The following CRISPLD2 variants were observed in gnomAD, a reference collection of about 807,000 sequenced individuals.
The protein encoded by CRISPLD2 is cysteine rich secretory protein LCCL domain containing 2, also known as cysteine-rich secretory protein LCCL domain-containing 2.
A neutral mutation model predicts 71.1 loss-of-function variants in CRISPLD2; 47 were observed. The ratio of observed to expected loss-of-function variants is 0.66; its 90% CI spans 0.52 to 0.84. The LOEUF is 0.84. Among genes scored for constraint, CRISPLD2 ranks in the 40% least tolerant of loss-of-function variants. The probability of loss-of-function intolerance (pLI) is 0.00; values close to 1 mark genes in which losing one functional copy is unlikely to be tolerated. For synonymous variants in CRISPLD2, 317 were observed against 250.1 expected (o/e 1.27, Z -2.52); for missense variants, 830 against 651.1 (o/e 1.27, Z -2.99).
At chr16:84,855,055 CT>C (rs1190299876) in intron 6 of CRISPLD2, among the ~76,000 whole-genome samples, 9 of 152,162 alleles carry the variant, frequency 5.9e-5, no homozygotes, top group Admixed American at 5.9e-4. Flanking sequence ...CGAGACATGG[CT>C]TCCCATGGGC....
At chr16:84,837,864 G>C (rs1275647469) in intron 1 of CRISPLD2, among the ~76,000 whole-genome samples, 3 of 152,222 alleles carry the variant, frequency 2.0e-5, no homozygotes, top group Non-Finnish European at 4.4e-5. Flanking sequence ...GCCTTGGCTG[G>C]ACGTGGTTCT....
chr16:84,868,821 G>A (rs369419356), intron 7 of CRISPLD2, 30 bp from the exon 8 acceptor site: 27 of 1,598,558 alleles, frequency 1.7e-5, no homozygotes, highest in South Asian at 8.9e-5. Flanking sequence ...GTTTCGTGCC[G>A]TGACATGTAT....
intron 1 of CRISPLD2, among the ~76,000 whole-genome samples, chr16:84,835,840 C>A (rs1252362699): frequency 6.6e-6 from 1 of 152,206 alleles, no homozygotes; most frequent in Non-Finnish European, 1.5e-5. Flanking sequence ...ATAGCTCACG[C>A]TGGCTCAGGA....
chr16:84,900,090 C>T (rs931025187), intron 14 of CRISPLD2, among the ~76,000 whole-genome samples: 6 of 152,170 alleles, frequency 3.9e-5, no homozygotes, highest in Non-Finnish European at 4.4e-5. Context: ...GCCACTCTTT[C>T]TCCTCCTCTT....
intron 11 of CRISPLD2, 37 bp from the exon 12 acceptor site, chr16:84,877,401 T>A: frequency 1.2e-6 from 2 of 1,603,170 alleles, no homozygotes; most frequent in Non-Finnish European, 1.7e-6. Flanking sequence ...CCAGGCGTGC[T>A]GGGACCTGAC....
At chr16:84,880,443 G>C (rs1251912196) in intron 12 of CRISPLD2, 66 bp from the exon 13 acceptor site, 103 of 1,263,536 alleles carry the variant, frequency 8.2e-5, no homozygotes, top group Non-Finnish European at 3.6e-5. Context: ...CAAATAAAGA[G>C]AGCCAGCTTA....
intron 14 of CRISPLD2, among the ~76,000 whole-genome samples, chr16:84,895,316 C>T (rs2071696925): frequency 1.3e-5 from 2 of 152,208 alleles, no homozygotes; most frequent in South Asian, 4.1e-4. Context: ...TCAGCCTGGA[C>T]AGGCCACTGA....
intron 5 of CRISPLD2, among the ~76,000 whole-genome samples, chr16:84,853,673 C>T (rs977851710): frequency 1.3e-5 from 2 of 152,230 alleles, no homozygotes; most frequent in African/African-American, 4.8e-5. Flanking sequence ...GGGCCCCTCC[C>T]CATCTTCCCT....
At chr16:84,848,917 C>T (rs113327682) in intron 3 of CRISPLD2, among the ~76,000 whole-genome samples, 5 of 140,980 alleles carry the variant, frequency 3.5e-5, no homozygotes, top group Middle Eastern at 4.3e-3. Context: ...ACCCGGGAGG[C>T]GGAGCTTGCA....
intron 14 of CRISPLD2, among the ~76,000 whole-genome samples, chr16:84,893,838 A>G (rs2071683169): frequency 1.3e-5 from 2 of 152,184 alleles, no homozygotes; most frequent in African/African-American, 2.4e-5. Flanking sequence ...CTTATTCCCA[A>G]TAGGGGCTGT....
rs745603203 is a variant in CRISPLD2 at position 84,868,929 on chromosome 16, T to C, written c.914+18T>C. ...TGTAACAGGTGAGCCTGTGCTGGGC[T>C]GTCCTGCCACTGTAGCCTCTGAGTC... On this transcript the variant is annotated intron_variant, in intron 8 of 14. Transcript: ENST00000262424. The C allele has an allele frequency of 3.3e-6, 5 of 1,524,312 alleles. No homozygotes were observed. Among genetic ancestry groups the C allele is most frequent in the Non-Finnish European group, 4.5e-6 (5 of 1,115,056 alleles). The allele number at this position is 1,524,312 out of a possible 1,614,324, so 94.4% of individuals were successfully genotyped here. A position where few individuals can be genotyped will look rare whatever the true frequency, so the allele number is the denominator to read the frequency against.
intron 13 of CRISPLD2, among the ~76,000 whole-genome samples, chr16:84,882,229 A>T (rs141562310): frequency 6.6e-6 from 1 of 152,250 alleles, no homozygotes; most frequent in Admixed American, 6.5e-5. Flanking sequence ...GTGGAATTTA[A>T]AGTTAAATGT....
intron 1 of CRISPLD2, among the ~76,000 whole-genome samples, chr16:84,837,408 T>G (rs1916647461): frequency 6.8e-6 from 1 of 147,304 alleles, no homozygotes; most frequent in African/African-American, 2.5e-5. Context: ...CACTAAGCCA[T>G]AGCTTGCTTT....
intron 3 of CRISPLD2, among the ~76,000 whole-genome samples, chr16:84,847,430 A>T (rs574481041): frequency 5.3e-5 from 8 of 152,258 alleles, no homozygotes; most frequent in Admixed American, 6.5e-5. Context: ...GGTGGGCAGA[A>T]TACAAGGTCA....
intron 14 of CRISPLD2, among the ~76,000 whole-genome samples, chr16:84,904,461 G>C (rs1025786033): frequency 2.6e-5 from 4 of 152,126 alleles, no homozygotes; most frequent in African/African-American, 9.7e-5. Flanking sequence ...GTGTGCACCT[G>C]TAATCCCAGC....
At chr16:84,851,064 C>A (rs148328050) in intron 5 of CRISPLD2, among the ~76,000 whole-genome samples, 4 of 152,240 alleles carry the variant, frequency 2.6e-5, no homozygotes, top group Admixed American at 2.0e-4. Context: ...ATTGCCCCAA[C>A]TGGCTTTGCA....
intron 6 of CRISPLD2, among the ~76,000 whole-genome samples, chr16:84,857,249 G>A (rs1298096963): frequency 1.3e-5 from 2 of 152,214 alleles, no homozygotes; most frequent in African/African-American, 2.4e-5. Context: ...CCCATTGGGC[G>A]ATGACAGAGG....
chr16:84,868,984 C>G, intron 8 of CRISPLD2, 73 bp downstream of exon 8: 1 of 1,330,688 alleles, frequency 7.5e-7, no homozygotes, highest in Non-Finnish European at 1.0e-6. Flanking sequence ...ACTGTGGCCT[C>G]TGGGCCTATG....
chr16:84,879,143 C>T (rs1448259822), intron 12 of CRISPLD2, among the ~76,000 whole-genome samples: 1 of 152,208 alleles, frequency 6.6e-6, no homozygotes, highest in African/African-American at 2.4e-5. Context: ...CCTCCACTGC[C>T]TCCGCACCAC....
Sources: gnomAD v4.1 joint callset for allele counts (sites outside exome capture counted in the v4.1 genomes callset) on GRCh38, gnomAD v4.1.1 for gene constraint, MANE v1.5 for transcripts, NCBI Gene and HGNC (gene_info 2026-07-23, HGNC 2026-07-21) for gene names.